The following RB1 variants were observed in gnomAD, a reference collection of about 807,000 sequenced individuals.
RB1 encodes retinoblastoma-associated protein.
In RB1, 18 loss-of-function variants were observed where a neutral mutation model predicts 135.4. The ratio of observed to expected loss-of-function variants is 0.13; its 90% CI spans 0.09 to 0.20. RB1 has a LOEUF of 0.20. Ranked by LOEUF, RB1 falls within the 10% of genes least tolerant of loss-of-function variation. The pLI, the probability that RB1 is intolerant of heterozygous loss-of-function variation, is 1.00. For missense variants in RB1, 868 were observed against 1,110.0 expected (o/e 0.78, Z 3.10); for synonymous variants, 365 against 373.2 (o/e 0.98, Z 0.25).
At position 48,371,128 on chromosome 13, in the gene RB1, G is replaced by A. The variant is rs75174028; in HGVS notation, c.1128-2277G>A. Among the ~76,000 whole-genome samples, 79 of 152,300 alleles carry A rather than the reference G, an allele frequency of 5.2e-4. No individual in the cohort carries two copies. The East Asian group carries it at 0.01, about 19-fold the overall frequency. ...GAGGAGAGTGGGTACTAGATATGAA[G>A]GGCCTTATATGCCATACTCACAAAT... On this transcript the variant is annotated intron_variant, in intron 11 of 26. Coordinates refer to ENST00000267163, the MANE Select transcript of RB1 (RefSeq NM_000321.3).
rs2138345824 is a variant in RB1 at position 48,465,283 on chromosome 13, G to C, written c.2404G>C (p.Gly802Arg). The C allele has an allele frequency of 6.2e-7, 1 of 1,612,216 alleles. No homozygotes were observed. The highest frequency in any genetic ancestry group is 8.5e-7 in the Non-Finnish European group (1 of 1,178,396). The change falls in exon 23 of 27, where the codon GGG becomes CGG. Residue 802 changes from glycine to arginine, a missense_variant. Gly to Arg is a moderately radical substitution (Grantham distance 125). This residue lies in a region of RB1 where 196 missense variants were observed against 239.8 expected (regional missense o/e 0.82). Transcript: ENST00000267163. ...FPSSPLRIPGGNIYISPLKSP... is the reference protein window; with the variant it reads ...FPSSPLRIPGRNIYISPLKSP... ...TAGTTCACCCTTACGGATTCCTGGA[G>C]GGAACATCTATATTTCACCCCTGAA...
intron 10 of RB1, 86 bp from the exon 11 acceptor site, chr13:48,368,441 A>G (rs1194291369): frequency 2.4e-5 from 37 of 1,548,386 alleles, no homozygotes; most frequent in Non-Finnish European, 3.0e-5. Context: ...TTATGAGACA[A>G]CAGAAGCATT....
intron 17 of RB1, among the ~76,000 whole-genome samples, chr13:48,422,151 A>G (rs1949015767): frequency 6.6e-6 from 1 of 152,242 alleles, no homozygotes; most frequent in African/African-American, 2.4e-5. Flanking sequence ...GATAAAGAAA[A>G]TGTGGCACAT....
Position 48,304,160 on chromosome 13 carries a change from C to T in RB1, c.137+111C>T, listed in dbSNP as rs1320253407. The T allele has an allele frequency of 6.7e-6, 8 of 1,198,778 alleles. No individual in the cohort carries two copies. The African/African-American group carries it at 1.1e-4, about 17-fold the overall frequency. 74.3% of individuals were successfully genotyped at this position (1,198,778 alleles called of 1,614,324 possible). A position where few individuals can be genotyped will look rare whatever the true frequency, so the allele number is the denominator to read the frequency against. On this transcript the variant is annotated intron_variant, in intron 1 of 26. Coordinates refer to ENST00000267163, the MANE Select transcript of RB1 (RefSeq NM_000321.3). ...TCCGTCCTCGCCAGGGGCCGGGTCC[C>T]GGCGGGAGGAGGCGCCCTCCCTGCC...
At chr13:48,379,541 A>G in intron 13 of RB1, 53 bp from the exon 14 acceptor site, 1 of 1,575,628 alleles carries the variant, frequency 6.3e-7, no homozygotes, top group South Asian at 1.2e-5. Flanking sequence ...AAATTTCATA[A>G]TTGTGATTTT....
At chr13:48,387,231 C>G (rs370635541) in intron 17 of RB1, among the ~76,000 whole-genome samples, 1 of 152,018 alleles carries the variant, frequency 6.6e-6, no homozygotes, top group East Asian at 1.9e-4. Context: ...ATTGTTCTAT[C>G]TTTTTTGTTT....
At chr13:48,435,088 T>C (rs1949170099) in intron 17 of RB1, among the ~76,000 whole-genome samples, 1 of 152,180 alleles carries the variant, frequency 6.6e-6, no homozygotes, top group Non-Finnish European at 1.5e-5. Context: ...TGAGTAAAAT[T>C]GAAGAGTTGT....
chr13:48,319,948 G>A lies in RB1; in HGVS notation c.264+12542G>A, dbSNP rs1345024693. 2.9e-6 allele frequency: 1 copy of A among 348,688 alleles called. No homozygotes were observed. Among genetic ancestry groups the A allele is most frequent in the Non-Finnish European group, 5.5e-6 (1 of 183,104 alleles). 21.6% of individuals were successfully genotyped at this position (348,688 alleles called of 1,614,324 possible). On this transcript the variant is annotated intron_variant, in intron 2 of 26. Coordinates refer to ENST00000267163, the MANE Select transcript of RB1 (RefSeq NM_000321.3). The surrounding 1 kb of genome is among the most constrained non-coding windows in gnomAD (Gnocchi z 5.0). Reference sequence around the variant, plus strand: ...TTTTGGGGGGACACACGGAAGTCGGGGCACTGCCGTGAGATAGTTCTGGCT... The same window carrying A: ...TTTTGGGGGGACACACGGAAGTCGGAGCACTGCCGTGAGATAGTTCTGGCT...
intron 17 of RB1, among the ~76,000 whole-genome samples, chr13:48,402,572 T>C (rs1948702755): frequency 6.6e-6 from 1 of 151,824 alleles, no homozygotes; most frequent in Non-Finnish European, 1.5e-5. Flanking sequence ...AGAGACGGGG[T>C]CTTGCTGTTG....
At chr13:48,410,758 A>G (rs553628410) in intron 17 of RB1, among the ~76,000 whole-genome samples, 31 of 152,284 alleles carry the variant, frequency 2.0e-4, no homozygotes, top group African/African-American at 5.5e-4. Flanking sequence ...TACCATATAG[A>G]TAGCATCTGC....
At chr13:48,373,605 T>A (rs1437369272) in intron 12 of RB1, 113 bp downstream of exon 12, 4 of 665,150 alleles carry the variant, frequency 6.0e-6, no homozygotes, top group East Asian at 2.6e-5. Context: ...TAACATGTAG[T>A]TATCCATAAT....
intron 4 of RB1, among the ~76,000 whole-genome samples, chr13:48,346,374 G>GTTTCACAT (rs1952498141): frequency 2.1e-5 from 1 of 47,482 alleles, no homozygotes; most frequent in Non-Finnish European, 3.3e-5. Context: ...ATATATATGT[G>GTTTCACAT]TGTGTGTGTG....
chr13:48,442,389 A>G (rs532875676), intron 17 of RB1, among the ~76,000 whole-genome samples: 1 of 152,164 alleles, frequency 6.6e-6, no homozygotes, highest in South Asian at 2.1e-4. Context: ...TTTTGTAGAG[A>G]TGGGGTTTCA....
At position 48,480,515 on chromosome 13, in the gene RB1, A is replaced by G. The variant is rs1949532447; in HGVS notation, c.*444A>G. 1 of 229,444 alleles carries G rather than the reference A, an allele frequency of 4.4e-6. No individual in the cohort carries two copies. The highest frequency in any genetic ancestry group is 5.6e-5 in the Admixed American group (1 of 17,904). The allele number at this position is 229,444 out of a possible 1,614,324, so 14.2% of individuals were successfully genotyped here. A position where few individuals can be genotyped will look rare whatever the true frequency, so the allele number is the denominator to read the frequency against. ...TGAACACCCTTAGAAAATGTGTCCT[A>G]TCTATCTTCCAAATGCAATTTGATT... On this transcript the variant is annotated 3_prime_UTR_variant, in exon 27 of 27. Coordinates refer to ENST00000267163, the MANE Select transcript of RB1 (RefSeq NM_000321.3).
At position 48,328,137 on chromosome 13, in the gene RB1, T is replaced by G. The variant is rs1952303684; in HGVS notation, c.265-14462T>G. 80 of 1,216,636 alleles carry G rather than the reference T, an allele frequency of 6.6e-5. No individual in the cohort carries two copies. In the South Asian group the frequency reaches 8.3e-4, roughly 13 times the overall value. 75.4% of individuals were successfully genotyped at this position (1,216,636 alleles called of 1,614,324 possible). ...AGATTTTATATTCCACTCCCATAGCTTCTGGTTATCAGAAAACCCATGCTT... is the reference window on the plus strand; with the variant it reads ...AGATTTTATATTCCACTCCCATAGCGTCTGGTTATCAGAAAACCCATGCTT... On this transcript the variant is annotated intron_variant, in intron 2 of 26. Coordinates refer to ENST00000267163, the MANE Select transcript of RB1 (RefSeq NM_000321.3).
chr13:48,356,451 C>A (rs994318345), intron 6 of RB1, among the ~76,000 whole-genome samples: 5 of 151,804 alleles, frequency 3.3e-5, no homozygotes, highest in Non-Finnish European at 7.4e-5. Context: ...AAAATTATTT[C>A]TCTAAGATTA....
chr13:48,342,477 A>T (rs1176912542), intron 2 of RB1, 122 bp from the exon 3 acceptor site: 1 of 648,894 alleles, frequency 1.5e-6, no homozygotes, highest in Non-Finnish European at 2.7e-6. Flanking sequence ...ACAAATATAC[A>T]GTATTACAAA....
intron 6 of RB1, among the ~76,000 whole-genome samples, chr13:48,358,021 C>T (rs1405116795): frequency 1.3e-5 from 2 of 152,000 alleles, no homozygotes; most frequent in Admixed American, 6.6e-5. Context: ...GTGTAATCCC[C>T]CAATGGGTTC....
chr13:48,478,128 G>T (rs1230396164), intron 26 of RB1, among the ~76,000 whole-genome samples: 1 of 152,122 alleles, frequency 6.6e-6, no homozygotes, highest in African/African-American at 2.4e-5. Flanking sequence ...AAAGGAACTG[G>T]GATTTTGAAA....
Sources: gnomAD v4.1 joint callset for allele counts (sites outside exome capture counted in the v4.1 genomes callset) on GRCh38, gnomAD v4.1.1 for gene constraint, gnomAD v4.1.1 regional missense constraint, Gnocchi (gnomAD v3.1) non-coding constraint, MANE v1.5 for transcripts, NCBI Gene and HGNC (gene_info 2026-07-23, HGNC 2026-07-21) for gene names.